EVC2: variants seen among roughly 807,000 people sequenced by gnomAD.
The protein encoded by EVC2 is limbin.
EVC2 carries 148 observed loss-of-function variants against 149.3 expected under a neutral mutation model. The ratio of observed to expected loss-of-function variants is 0.99; its 90% CI spans 0.87 to 1.14. The LOEUF is 1.14. EVC2 is among the 50% of genes most tolerant of loss of function. EVC2 has a pLI of 0.00. For missense variants in EVC2, 1,854 were observed against 1,627.3 expected (o/e 1.14, Z -2.40); for synonymous variants, 776 against 649.9 (o/e 1.19, Z -2.95).
chr4:5,594,474 G>C (rs991738955), intron 16 of EVC2, among the ~76,000 whole-genome samples: 4 of 152,176 alleles, frequency 2.6e-5, no homozygotes, highest in African/African-American at 9.7e-5. Context: ...GTCTGGAGTG[G>C]ACCTCTAGCA....
At chr4:5,628,342 T>C (rs962908277) in intron 12 of EVC2, among the ~76,000 whole-genome samples, 2 of 152,170 alleles carry the variant, frequency 1.3e-5, no homozygotes, top group African/African-American at 4.8e-5. Context: ...GACTCCCTTT[T>C]TCTGTCTCAC....
chr4:5,590,009 G>A lies in EVC2; in HGVS notation c.2830-5159C>T, dbSNP rs1471691761. Among the ~76,000 whole-genome samples, 3 of 152,164 alleles carry A rather than the reference G, an allele frequency of 2.0e-5. No individual in the cohort carries two copies. The South Asian group carries it at 6.2e-4, about 32-fold the overall frequency. ...AGGTGGAGGGGTCAGGGAAAGTCATGACAATATTGGCATTTGAAGCAGATA... is the reference window on the plus strand; with the variant it reads ...AGGTGGAGGGGTCAGGGAAAGTCATAACAATATTGGCATTTGAAGCAGATA... On this transcript the variant is annotated intron_variant, in intron 16 of 21. Transcript: ENST00000344408.
At chr4:5,669,871 A>T (rs939103724) in intron 7 of EVC2, among the ~76,000 whole-genome samples, 2 of 152,208 alleles carry the variant, frequency 1.3e-5, no homozygotes, top group Non-Finnish European at 2.9e-5. Context: ...GCCTGGACCT[A>T]GGAAGAGGGA....
chr4:5,669,548 A>C (rs1259840285), intron 7 of EVC2, among the ~76,000 whole-genome samples: 1 of 152,182 alleles, frequency 6.6e-6, no homozygotes, highest in African/African-American at 2.4e-5. Context: ...TGTATGACTG[A>C]CATTACATAT....
At chr4:5,546,053 G>T (rs1201941311) in intron 21 of EVC2, among the ~76,000 whole-genome samples, 1 of 152,158 alleles carries the variant, frequency 6.6e-6, no homozygotes, top group Non-Finnish European at 1.5e-5. Context: ...TCATTAAAAA[G>T]TCAGGAAACA....
At chr4:5,688,924 C>G (rs1368027993) in intron 5 of EVC2, among the ~76,000 whole-genome samples, 3 of 152,176 alleles carry the variant, frequency 2.0e-5, no homozygotes, top group Non-Finnish European at 4.4e-5. Flanking sequence ...ACTCTTTCCC[C>G]AAATCCAACA....
At chr4:5,709,021 G>C (rs1458411710), upstream of EVC2, 2 of 153,136 alleles carry the variant, frequency 1.3e-5, no homozygotes, top group Non-Finnish European at 2.9e-5. Flanking sequence ...AGAAGGAAAA[G>C]GACCCTCACT....
chr4:5,676,346 C>T lies in EVC2; in HGVS notation c.870+4914G>A, dbSNP rs116489476. On this transcript the variant is annotated intron_variant, in intron 7 of 21. Transcript: ENST00000344408. ...ATTAAGGAGACAATGGGGTAGCTCC[C>T]AAATGTGGCAGAATCTCTATTTACA... is the stretch of plus-strand genomic sequence containing the variant. Among the ~76,000 whole-genome samples the T allele has an allele frequency of 4.0e-3, 607 of 152,314 alleles. 4 individuals are homozygous for T. Among genetic ancestry groups the T allele is most frequent in the African/African-American group, 0.014 (576 of 41,572 alleles).
At chr4:5,644,576 T>C (rs1383434987) in intron 9 of EVC2, among the ~76,000 whole-genome samples, 1 of 152,188 alleles carries the variant, frequency 6.6e-6, no homozygotes, top group Non-Finnish European at 1.5e-5. Context: ...GTGCTGGGAT[T>C]ACAGGTGTGA....
chr4:5,546,607 C>A (rs531505863), intron 21 of EVC2, among the ~76,000 whole-genome samples: 2 of 151,898 alleles, frequency 1.3e-5, no homozygotes, highest in African/African-American at 4.8e-5. Context: ...GGAGATATAC[C>A]TAATGCTAAA....
intron 16 of EVC2, among the ~76,000 whole-genome samples, chr4:5,606,069 G>A (rs1714372334): frequency 6.6e-6 from 1 of 152,186 alleles, no homozygotes; most frequent in Non-Finnish European, 1.5e-5. Flanking sequence ...GGTTAGGAGA[G>A]GAGGACGGAC....
At chr4:5,653,226 CAA>C (rs1489187627) in intron 9 of EVC2, among the ~76,000 whole-genome samples, 68 of 152,306 alleles carry the variant, frequency 4.5e-4, no homozygotes, top group African/African-American at 1.6e-3. Flanking sequence ...ATTATACTTC[CAA>C]ATAAGGTTAC....
intron 15 of EVC2, among the ~76,000 whole-genome samples, chr4:5,617,681 T>C (rs1057034080): frequency 6.6e-6 from 1 of 152,134 alleles, no homozygotes; most frequent in African/African-American, 2.4e-5. Context: ...GGCTTCCTAG[T>C]GGAGGTGGCA....
At chr4:5,653,060 T>C (rs527407481) in intron 9 of EVC2, among the ~76,000 whole-genome samples, 9 of 152,156 alleles carry the variant, frequency 5.9e-5, no homozygotes, top group Non-Finnish European at 1.2e-4. Flanking sequence ...TTGGTGTTCC[T>C]TAGCTTGCAG....
intron 3 of EVC2, among the ~76,000 whole-genome samples, chr4:5,691,669 C>T (rs1237832642): frequency 6.6e-6 from 1 of 152,100 alleles, no homozygotes; most frequent in Non-Finnish European, 1.5e-5. Context: ...TAACATGTAC[C>T]GTGTGCTTAC....
At position 5,677,153 on chromosome 4, in the gene EVC2, G is replaced by A. The variant is rs1387373216; in HGVS notation, c.870+4107C>T. ...CTCACAGTGCCAGGCACTGTGCTGA[G>A]TACTTTACAGCCCTTGATCCATTTA... On this transcript the variant is annotated intron_variant, in intron 7 of 21. Coordinates refer to ENST00000344408, the MANE Select transcript of EVC2 (RefSeq NM_147127.5). The surrounding 1 kb of genome is among the most constrained non-coding windows in gnomAD (Gnocchi z 4.3). Among the ~76,000 whole-genome samples the A allele has an allele frequency of 3.9e-5, 6 of 152,142 alleles. No individual in the cohort carries two copies. The highest frequency in any genetic ancestry group is 1.4e-4 in the African/African-American group (6 of 41,428).
chr4:5,586,354 T>G (rs746759490), intron 16 of EVC2, among the ~76,000 whole-genome samples: 2 of 152,142 alleles, frequency 1.3e-5, no homozygotes, highest in Non-Finnish European at 2.9e-5. Flanking sequence ...GTACCTTCAA[T>G]TGATATTATA....
At chr4:5,643,997 A>C (rs565692333) in intron 9 of EVC2, among the ~76,000 whole-genome samples, 1 of 152,346 alleles carries the variant, frequency 6.6e-6, no homozygotes, top group Non-Finnish European at 1.5e-5. Context: ...ACAATTGAAC[A>C]TTTAATTCAA....
intron 9 of EVC2, among the ~76,000 whole-genome samples, chr4:5,656,834 T>C (rs763885792): frequency 1.2e-4 from 18 of 152,166 alleles, no homozygotes; most frequent in African/African-American, 4.3e-4. Flanking sequence ...TTACGGTAAT[T>C]TGTGACAACA....
Sources: gnomAD v4.1 joint callset for allele counts (sites outside exome capture counted in the v4.1 genomes callset) on GRCh38, gnomAD v4.1.1 for gene constraint, Gnocchi (gnomAD v3.1) non-coding constraint, MANE v1.5 for transcripts, NCBI Gene and HGNC (gene_info 2026-07-23, HGNC 2026-07-21) for gene names.